The following ENY2 variants were observed in gnomAD, a reference collection of about 807,000 sequenced individuals.
The protein encoded by ENY2 is ENY2 transcription and export complex 2 subunit.
A neutral mutation model predicts 15.9 loss-of-function variants in ENY2; 4 were observed. That is an observed-to-expected ratio of 0.25 (90% confidence interval 0.12 to 0.57). ENY2 has a LOEUF of 0.57. Ranked by LOEUF, ENY2 falls within the 20% of genes least tolerant of loss-of-function variation. ENY2 has a pLI of 0.91. For missense variants in ENY2, 54 were observed against 117.2 expected (o/e 0.46, Z 2.49); for synonymous variants, 48 against 38.0 (o/e 1.26, Z -0.97).
chr8:109,336,091 A>G, intron 1 of ENY2, 37 bp from the exon 2 acceptor site: 1 of 1,601,284 alleles, frequency 6.2e-7, no homozygotes, highest in Non-Finnish European at 8.5e-7. Context: ...AATGCTTTGT[A>G]AATGTTCTAT....
At chr8:109,340,105 GA>G (rs34351157) in intron 3 of ENY2, among the ~76,000 whole-genome samples, 28,179 of 152,076 alleles carry the variant, frequency 0.19, 3,039 homozygotes, top group East Asian at 0.35. Flanking sequence ...TGTGAAGTGG[GA>G]AAATGCCTAG....
chr8:109,336,066 G>C, intron 1 of ENY2, 62 bp from the exon 2 acceptor site: 1 of 1,504,774 alleles, frequency 6.6e-7, no homozygotes, highest in Non-Finnish European at 9.2e-7. Context: ...TGCCTGCCTA[G>C]AGGATTTAGC....
At chr8:109,338,757 C>T (rs1278613603) in intron 2 of ENY2, 1 of 152,036 alleles carries the variant, frequency 6.6e-6, no homozygotes. Flanking sequence ...ATTACTGAAT[C>T]GTTAAAATGT....
chr8:109,341,985 A>G (rs1164758490), intron 4 of ENY2, among the ~76,000 whole-genome samples: 2 of 152,100 alleles, frequency 1.3e-5, no homozygotes, highest in African/African-American at 4.8e-5. Flanking sequence ...TTTCCAGTGG[A>G]CTTGAATTAA....
Position 109,345,309 on chromosome 8 carries a change from A to G in ENY2, c.*1828A>G, listed in dbSNP as rs1395350861. 6.6e-6 allele frequency: 1 copy of G among 152,222 alleles called. No homozygotes were observed. Among genetic ancestry groups the G allele is most frequent in the African/African-American group, 2.4e-5 (1 of 41,456 alleles). 9.4% of individuals were successfully genotyped at this position (152,222 alleles called of 1,614,324 possible). ...ATTTGTGGATGAATGGGCAAGGGAA[A>G]AAATGAAGGAACAAGTGAATGAACA... On this transcript the variant is annotated 3_prime_UTR_variant, in exon 5 of 5. Transcript: ENST00000521688.
At chr8:109,336,810 G>A (rs1157208449) in intron 2 of ENY2, among the ~76,000 whole-genome samples, 1 of 152,064 alleles carries the variant, frequency 6.6e-6, no homozygotes, top group Non-Finnish European at 1.5e-5. Flanking sequence ...GCTTTGTTTG[G>A]TTCATAATTG....
chr8:109,335,830 C>G (rs1815965942), intron 1 of ENY2: 1 of 207,394 alleles, frequency 4.8e-6, no homozygotes, highest in Non-Finnish European at 9.6e-6. Context: ...TTTCCACTTT[C>G]TATCTCTGTG....
intron 1 of ENY2, chr8:109,334,799 T>G (rs1013864893): frequency 2.3e-6 from 1 of 426,930 alleles, no homozygotes; most frequent in Non-Finnish European, 4.2e-6. Context: ...TATCCGTATT[T>G]TAGGAGCCAA....
intron 1 of ENY2, chr8:109,335,439 TG>T (rs1815949180): frequency 6.6e-6 from 1 of 150,572 alleles, no homozygotes; most frequent in Admixed American, 6.7e-5. Flanking sequence ...GTCGGCTCAC[TG>T]CAACCTCTGT....
Position 109,345,626 on chromosome 8 carries a change from T to C in ENY2, c.*2145T>C, listed in dbSNP as rs1258856123. 1 of 152,132 alleles carries C rather than the reference T, an allele frequency of 6.6e-6. No individual in the cohort carries two copies. The highest frequency in any genetic ancestry group is 2.4e-5 in the African/African-American group (1 of 41,422). The allele number at this position is 152,132 out of a possible 1,614,324, so 9.4% of individuals were successfully genotyped here. On this transcript the variant is annotated 3_prime_UTR_variant, in exon 5 of 5. Transcript: ENST00000521688. ...TCACAATGAAAACAATCATAAATAG[T>C]ACACAGGAAAGGTGAGAAATAGCGG... is the stretch of plus-strand genomic sequence containing the variant.
chr8:109,342,808 C>G (rs1816151741), intron 4 of ENY2: 10 of 660,096 alleles, frequency 1.5e-5, no homozygotes, highest in East Asian at 6.0e-5. Context: ...CCAGCCAACA[C>G]AGTATATTAT....
intron 4 of ENY2, among the ~76,000 whole-genome samples, chr8:109,342,966 A>G (rs187038876): frequency 1.1e-4 from 16 of 152,212 alleles, no homozygotes; most frequent in African/African-American, 3.4e-4. Flanking sequence ...TAGCCTTTTG[A>G]TCTTTTCCTT....
chr8:109,343,581 G>A lies in ENY2; in HGVS notation c.*100G>A. ...AAAATAAAATCCTTTTTTGTATGAT[G>A]GTATACAGTTTTCAGTAATGATGTA... On this transcript the variant is annotated 3_prime_UTR_variant, in exon 5 of 5. Coordinates refer to ENST00000521688, the MANE Select transcript of ENY2 (RefSeq NM_020189.6). The A allele has an allele frequency of 9.6e-7, 1 of 1,044,294 alleles. No homozygotes were observed. Among genetic ancestry groups the A allele is most frequent in the Non-Finnish European group, 1.4e-6 (1 of 712,774 alleles). The allele number at this position is 1,044,294 out of a possible 1,614,324, so 64.7% of individuals were successfully genotyped here.
chr8:109,339,571 TTTTCTG>T, intron 3 of ENY2, 181 bp downstream of exon 3: 1 of 506,346 alleles, frequency 2.0e-6, no homozygotes, highest in East Asian at 3.2e-5. Context: ...TTTTTAGAAA[TTTTCTG>T]TTTCTGTTAA....
intron 4 of ENY2, among the ~76,000 whole-genome samples, chr8:109,342,463 TTATG>T (rs1036301373): frequency 2.0e-5 from 3 of 150,020 alleles, no homozygotes; most frequent in South Asian, 2.1e-4. Context: ...TTTATATAGT[TTATG>T]TATGTATATA....
intron 4 of ENY2, chr8:109,342,682 T>C: frequency 1.4e-6 from 1 of 697,562 alleles, no homozygotes; most frequent in Non-Finnish European, 2.6e-6. Context: ...TAATTTTATT[T>C]TTTGTAGAGA....
At chr8:109,334,586 C>T (rs916677300) in intron 1 of ENY2, 112 bp downstream of exon 1, 4 of 1,314,274 alleles carry the variant, frequency 3.0e-6, no homozygotes, top group South Asian at 3.0e-5. Context: ...CTGTAGGGCT[C>T]TCCGACAGGG....
At chr8:109,337,988 C>T (rs1218456889) in intron 2 of ENY2, among the ~76,000 whole-genome samples, 1 of 151,376 alleles carries the variant, frequency 6.6e-6, no homozygotes, top group Non-Finnish European at 1.5e-5. Flanking sequence ...TTGAGGAGCA[C>T]AGGGATGCTA....
intron 2 of ENY2, among the ~76,000 whole-genome samples, chr8:109,336,927 T>C (rs1815998097): frequency 6.6e-6 from 1 of 151,832 alleles, no homozygotes; most frequent in Non-Finnish European, 1.5e-5. Flanking sequence ...AAGACAAATA[T>C]GTATAAGGAA....
Sources: allele counts gnomAD v4.1 joint callset (sites outside exome capture counted in the v4.1 genomes callset), GRCh38; gene constraint gnomAD v4.1.1; transcripts MANE v1.5; gene names NCBI Gene and HGNC (gene_info 2026-07-23, HGNC 2026-07-21).